The following PGAP3 variants were observed in gnomAD, a reference collection of about 807,000 sequenced individuals.
The protein encoded by PGAP3 is post-GPI attachment to proteins phospholipase 3.
In PGAP3, 31 loss-of-function variants were observed where a neutral mutation model predicts 40.3. The ratio of observed to expected loss-of-function variants is 0.77; its 90% CI spans 0.58 to 1.04. PGAP3 has a LOEUF of 1.04. PGAP3 is among the 50% of genes least tolerant of loss of function. The probability of loss-of-function intolerance (pLI) is 0.00; values close to 1 mark genes in which losing one functional copy is unlikely to be tolerated. For synonymous variants in PGAP3, 191 were observed against 184.5 expected (o/e 1.04, Z -0.29); for missense variants, 413 against 423.0 (o/e 0.98, Z 0.21).
At chr17:39,675,524 G>A (rs1409202877) in intron 3 of PGAP3, among the ~76,000 whole-genome samples, 1 of 152,226 alleles carries the variant, frequency 6.6e-6, no homozygotes, top group Non-Finnish European at 1.5e-5. Flanking sequence ...AGGAACAGCA[G>A]GCCAGGCCGG....
At chr17:39,678,625 G>A (rs1233427464) in intron 3 of PGAP3, among the ~76,000 whole-genome samples, 6 of 152,280 alleles carry the variant, frequency 3.9e-5, no homozygotes, top group Admixed American at 3.3e-4. Context: ...GCGGGTGAGG[G>A]ACCTTGCCTT....
intron 4 of PGAP3, among the ~76,000 whole-genome samples, 187 bp downstream of exon 4, chr17:39,674,430 G>A (rs891443460): frequency 1.3e-5 from 2 of 152,146 alleles, no homozygotes; most frequent in Non-Finnish European, 2.9e-5. Context: ...CAAGAAGAGC[G>A]AATACTCATC....
chr17:39,673,292 C>T (rs769909737), intron 6 of PGAP3, 37 bp from the exon 7 acceptor site: 10 of 1,553,158 alleles, frequency 6.4e-6, no homozygotes, highest in African/African-American at 1.4e-5. Flanking sequence ...CTCATTCCTT[C>T]GGCTCCTTCT....
In PGAP3 at chr17:39,683,075, C is replaced by CAAATAAAATA. The variant is rs541252918; in HGVS notation, c.432+1512_432+1521dup. ...GGGGCAACAGAGTGAGACTTTGTCTCAAATAAAATAAAATAAAATAAAATA... is the reference window on the plus strand; with the variant it reads ...GGGGCAACAGAGTGAGACTTTGTCTCAAATAAAATAAAATAAAATAAAATAAAATAAAATA... On this transcript the variant is annotated intron_variant, in intron 3 of 7. Coordinates refer to ENST00000300658, the MANE Select transcript of PGAP3 (RefSeq NM_033419.5). Among the ~76,000 whole-genome samples the CAAATAAAATA allele has an allele frequency of 4.0e-3, 607 of 151,850 alleles. 3 individuals are homozygous for CAAATAAAATA. The highest frequency in any genetic ancestry group is 7.4e-3 in the Non-Finnish European group (502 of 67,916).
intron 3 of PGAP3, among the ~76,000 whole-genome samples, chr17:39,678,060 G>A (rs2057396222): frequency 1.3e-5 from 2 of 152,160 alleles, no homozygotes; most frequent in South Asian, 4.1e-4. Flanking sequence ...CTGAGAGAAG[G>A]GAGACAGAGG....
Position 39,679,771 on chromosome 17 carries a change from C to G in PGAP3, c.432+4826G>C, listed in dbSNP as rs1290808419. On this transcript the variant is annotated intron_variant, in intron 3 of 7. Coordinates refer to ENST00000300658, the MANE Select transcript of PGAP3 (RefSeq NM_033419.5). ...CCCTCAGCCTGGCACTCAGGGGCCT[C>G]TCTGCTCCATCTACTCTTCTACTCC... is the stretch of plus-strand genomic sequence containing the variant. 2.0e-5 allele frequency among the ~76,000 whole-genome samples: 3 copies of G among 152,192 alleles called. No homozygotes were observed. In the South Asian group the frequency reaches 6.2e-4, roughly 31 times the overall value.
chr17:39,684,602 C>G lies in PGAP3; in HGVS notation c.427G>C (p.Ala143Pro), dbSNP rs767604038. ...SPMYHTCVAF[A>P]WVSLNAWFWS... ...AGTCCTGCTAGGTTACCTACCCAGGCGAAGGCCACACAGGTGTGGTACATG... is the reference window on the plus strand; with the variant it reads ...AGTCCTGCTAGGTTACCTACCCAGGGGAAGGCCACACAGGTGTGGTACATG... Residue 143 changes from alanine to proline, a missense_variant, in exon 3 of 8, where the codon GCC (alanine) becomes CCC (proline). Physicochemically the swap from Ala to Pro is conservative, Grantham distance 27. Coordinates refer to ENST00000300658, the MANE Select transcript of PGAP3 (RefSeq NM_033419.5). 2 of 1,609,542 alleles carry G rather than the reference C, an allele frequency of 1.2e-6. No individual in the cohort carries two copies. The highest frequency in any genetic ancestry group is 2.7e-5 in the African/African-American group (2 of 74,670).
At chr17:39,675,407 C>T (rs1014108189) in intron 3 of PGAP3, among the ~76,000 whole-genome samples, 5 of 152,188 alleles carry the variant, frequency 3.3e-5, no homozygotes, top group Admixed American at 6.5e-5. Flanking sequence ...AGCTTGTGGG[C>T]GTTGGTGCTG....
rs2057321435 is a variant in PGAP3, at chr17:39,672,648, C to T, written c.*155G>A. On this transcript the variant is annotated 3_prime_UTR_variant, in exon 8 of 8. Coordinates refer to ENST00000300658, the MANE Select transcript of PGAP3 (RefSeq NM_033419.5). Reference sequence around the variant, plus strand: ...AGACTCCAAGGCTGGTGAGGGCCAACAGGGGGTGGGCTGGCCACATGATTC... The same window carrying T: ...AGACTCCAAGGCTGGTGAGGGCCAATAGGGGGTGGGCTGGCCACATGATTC... 1.3e-6 allele frequency: 1 copy of T among 787,872 alleles called. No homozygotes were observed. Among genetic ancestry groups the T allele is most frequent in the Non-Finnish European group, 2.1e-6 (1 of 483,578 alleles). 48.8% of individuals were successfully genotyped at this position (787,872 alleles called of 1,614,324 possible).
At position 39,672,599 on chromosome 17, in the gene PGAP3, A is replaced by C; in HGVS notation, c.*204T>G. On this transcript the variant is annotated 3_prime_UTR_variant, in exon 8 of 8. Coordinates refer to ENST00000300658, the MANE Select transcript of PGAP3 (RefSeq NM_033419.5). ...GGGGCTGCCCACTCTCGAGTCCCAGATGCTGGGAGGCCTTCCCTAGAACAG... is the reference window on the plus strand; with the variant it reads ...GGGGCTGCCCACTCTCGAGTCCCAGCTGCTGGGAGGCCTTCCCTAGAACAG... 3.3e-6 allele frequency: 2 copies of C among 611,922 alleles called. No homozygotes were observed. Among genetic ancestry groups the C allele is most frequent in the Non-Finnish European group, 5.8e-6 (2 of 344,724 alleles). 37.9% of individuals were successfully genotyped at this position (611,922 alleles called of 1,614,324 possible). A position where few individuals can be genotyped will look rare whatever the true frequency, so the allele number is the denominator to read the frequency against.
chr17:39,688,002 C>G lies in PGAP3; in HGVS notation c.13G>C (p.Ala5Pro). 1 of 1,412,194 alleles carries G rather than the reference C, an allele frequency of 7.1e-7. No individual in the cohort carries two copies. The highest frequency in any genetic ancestry group is 9.4e-7 in the Non-Finnish European group (1 of 1,065,412). 87.5% of individuals were successfully genotyped at this position (1,412,194 alleles called of 1,614,324 possible). MAGL[A>P]ARLVLLAGAA... ...CCAGCTAGCAGGACCAACCGCGCCG[C>G]CAGGCCGGCCATCCTTTCTCCCTGG... The change falls in exon 1 of 8, where the codon GCG becomes CCG. Residue 5 changes from alanine (A) to proline (P), a missense_variant. By Grantham distance (27) the Ala-to-Pro change is conservative. Coordinates refer to ENST00000300658, the MANE Select transcript of PGAP3 (RefSeq NM_033419.5).
intron 3 of PGAP3, among the ~76,000 whole-genome samples, chr17:39,678,678 G>T: frequency 6.6e-6 from 1 of 152,146 alleles, no homozygotes; most frequent in East Asian, 1.9e-4. Flanking sequence ...CAGTGCCCCA[G>T]AAGGCCCAGG....
At chr17:39,682,794 G>A (rs764886870) in intron 3 of PGAP3, among the ~76,000 whole-genome samples, 35 of 152,022 alleles carry the variant, frequency 2.3e-4, no homozygotes, top group African/African-American at 5.1e-4. Context: ...AAATCCCTCC[G>A]TAGGCCGAGC....
At chr17:39,675,452 A>C (rs996332600) in intron 3 of PGAP3, among the ~76,000 whole-genome samples, 2 of 152,214 alleles carry the variant, frequency 1.3e-5, no homozygotes, top group Non-Finnish European at 2.9e-5. Context: ...TCCACAGCAA[A>C]GGCCCAAACT....
At position 39,674,065 on chromosome 17, in the gene PGAP3, G is replaced by C. The variant is rs777976562; in HGVS notation, c.496-11C>G. ...GAAGTAGTCCATTTTCTGAGGACAGGGAAGGGTGGTGAGGGACCAGCATGA... is the reference window on the plus strand; with the variant it reads ...GAAGTAGTCCATTTTCTGAGGACAGCGAAGGGTGGTGAGGGACCAGCATGA... On this transcript the variant is annotated splice_polypyrimidine_tract_variant and intron_variant, in intron 4 of 7. Transcript: ENST00000300658. 6.2e-7 allele frequency: 1 copy of C among 1,613,322 alleles called. No individual in the cohort carries two copies. The highest frequency in any genetic ancestry group is 1.7e-5 in the Admixed American group (1 of 60,026).
chr17:39,672,589 C>G lies in PGAP3; in HGVS notation c.*214G>C. On this transcript the variant is annotated 3_prime_UTR_variant, in exon 8 of 8. Coordinates refer to ENST00000300658, the MANE Select transcript of PGAP3 (RefSeq NM_033419.5). ...AGGAGGTAGAGGGGCTGCCCACTCT[C>G]GAGTCCCAGATGCTGGGAGGCCTTC... The G allele has an allele frequency of 1.7e-6, 1 of 604,046 alleles. No homozygotes were observed. Among genetic ancestry groups the G allele is most frequent in the East Asian group, 2.8e-5 (1 of 36,162 alleles). 37.4% of individuals were successfully genotyped at this position (604,046 alleles called of 1,614,324 possible). A position where few individuals can be genotyped will look rare whatever the true frequency, so the allele number is the denominator to read the frequency against.
At chr17:39,681,466 C>T (rs1180244006) in intron 3 of PGAP3, among the ~76,000 whole-genome samples, 1 of 152,004 alleles carries the variant, frequency 6.6e-6, no homozygotes, top group African/African-American at 2.4e-5. Context: ...AGAGACCAGA[C>T]AAAAATGAAG....
Position 39,674,068 on chromosome 17 carries a change from A to G in PGAP3, c.496-14T>C. On this transcript the variant is annotated splice_polypyrimidine_tract_variant and intron_variant, in intron 4 of 7. Coordinates refer to ENST00000300658, the MANE Select transcript of PGAP3 (RefSeq NM_033419.5). ...GTAGTCCATTTTCTGAGGACAGGGA[A>G]GGGTGGTGAGGGACCAGCATGAGGC... The G allele has an allele frequency of 6.2e-7, 1 of 1,612,074 alleles. No homozygotes were observed. The highest frequency in any genetic ancestry group is 8.5e-7 in the Non-Finnish European group (1 of 1,178,254).
chr17:39,685,496 A>AAAAAAAC (rs759478507), intron 2 of PGAP3, among the ~76,000 whole-genome samples: 1 of 151,562 alleles, frequency 6.6e-6, no homozygotes, highest in Non-Finnish European at 1.5e-5. Flanking sequence ...CATCTCAAAA[A>AAAAAAAC]AAAAAACAAA....
Sources: gnomAD v4.1 joint callset for allele counts (sites outside exome capture counted in the v4.1 genomes callset) on GRCh38, gnomAD v4.1.1 for gene constraint, MANE v1.5 for transcripts, NCBI Gene and HGNC (gene_info 2026-07-23, HGNC 2026-07-21) for gene names.